NXPE2: variants seen among roughly 807,000 people sequenced by gnomAD.
The protein encoded by NXPE2 is NXPE family member 2.
In NXPE2, 34 loss-of-function variants were observed where a neutral mutation model predicts 34.4. That is an observed-to-expected ratio of 0.99 (90% CI 0.75 to 1.31). The LOEUF (loss-of-function observed/expected upper bound fraction) is 1.31, where lower values mean the gene tolerates loss of function less well. NXPE2 is among the 40% of genes most tolerant of loss of function. The pLI is 0.00. For synonymous variants in NXPE2, 235 were observed against 231.3 expected (o/e 1.02, Z -0.15); for missense variants, 649 against 672.5 (o/e 0.97, Z 0.39).
the NXPE2 span, among the ~76,000 whole-genome samples, chr11:114,601,905 AT>A: frequency 2.5e-5 from 1 of 40,332 alleles, no homozygotes; most frequent in Non-Finnish European, 5.0e-5. Flanking sequence ...ATTTATATAT[AT>A]TATATAATTA....
chr11:114,771,832 C>T, the NXPE2 span, among the ~76,000 whole-genome samples: 2 of 152,240 alleles, frequency 1.3e-5, no homozygotes, highest in African/African-American at 4.8e-5. Context: ...TCACACCATT[C>T]AGTCCCCAAA....
At chr11:114,796,847 G>C in the NXPE2 span, among the ~76,000 whole-genome samples, 1 of 152,248 alleles carries the variant, frequency 6.6e-6, no homozygotes, top group East Asian at 1.9e-4. Flanking sequence ...GGAAGGCTAA[G>C]AGCTGTTGAG....
the NXPE2 span, among the ~76,000 whole-genome samples, chr11:114,806,205 C>G: frequency 6.6e-6 from 1 of 151,658 alleles, no homozygotes; most frequent in Non-Finnish European, 1.5e-5. Flanking sequence ...ACGTCACCAT[C>G]ATCAAAGACC....
the NXPE2 span, among the ~76,000 whole-genome samples, chr11:114,779,681 G>A: frequency 8.9e-4 from 136 of 152,190 alleles, no homozygotes; most frequent in Non-Finnish European, 1.6e-3. Context: ...AGTAAACAGA[G>A]AAAGTGAGAA....
chr11:114,671,570 C>T, the NXPE2 span, among the ~76,000 whole-genome samples: 2 of 151,842 alleles, frequency 1.3e-5, no homozygotes, highest in Admixed American at 1.3e-4. Flanking sequence ...ACCAGGTAAC[C>T]ACAATAAGAC....
At chr11:114,510,238 A>G in the NXPE2 span, among the ~76,000 whole-genome samples, 3 of 152,104 alleles carry the variant, frequency 2.0e-5, no homozygotes, top group Admixed American at 2.0e-4. Context: ...CATTTTATGT[A>G]TTTATTTGAG....
At chr11:114,627,794 A>G in the NXPE2 span, among the ~76,000 whole-genome samples, 4 of 152,012 alleles carry the variant, frequency 2.6e-5, no homozygotes, top group Admixed American at 6.6e-5. Context: ...GCAGAGACAC[A>G]CATGGGCTCA....
chr11:114,582,244 T>C, the NXPE2 span: 1 of 1,523,324 alleles, frequency 6.6e-7, no homozygotes, highest in Non-Finnish European at 8.8e-7. Flanking sequence ...ATAGGCCAAA[T>C]CACAATATTT....
chr11:114,663,678 T>TATC, the NXPE2 span, among the ~76,000 whole-genome samples: 44 of 146,058 alleles, frequency 3.0e-4, no homozygotes, highest in East Asian at 8.1e-4. Context: ...ATCTATCTAT[T>TATC]TATCTATCTA....
chr11:114,605,021 G>A, the NXPE2 span, among the ~76,000 whole-genome samples: 8 of 151,836 alleles, frequency 5.3e-5, 1 homozygote, highest in South Asian at 1.7e-3. Flanking sequence ...GGTAACCACT[G>A]TAACCCAGTG....
the NXPE2 span, chr11:114,582,589 G>A: frequency 1.2e-6 from 2 of 1,614,146 alleles, no homozygotes; most frequent in Non-Finnish European, 1.7e-6. Context: ...AGCAGAGACA[G>A]AGAGACCTGG....
the NXPE2 span, among the ~76,000 whole-genome samples, chr11:114,483,200 T>C: frequency 6.6e-6 from 1 of 152,236 alleles, no homozygotes; most frequent in Non-Finnish European, 1.5e-5. Flanking sequence ...AAATAGCAGC[T>C]GACATATTTG....
chr11:114,494,562 C>A, the NXPE2 span, among the ~76,000 whole-genome samples: 1 of 152,076 alleles, frequency 6.6e-6, no homozygotes, highest in African/African-American at 2.4e-5. Flanking sequence ...TTAATTATTT[C>A]AATCTCTTTG....
At chr11:114,784,869 C>T in the NXPE2 span, among the ~76,000 whole-genome samples, 1 of 152,184 alleles carries the variant, frequency 6.6e-6, no homozygotes, top group African/African-American at 2.4e-5. Flanking sequence ...GCTTTTATTT[C>T]GTGCAACAGA....
At chr11:114,622,645 G>A in the NXPE2 span, among the ~76,000 whole-genome samples, 11 of 152,014 alleles carry the variant, frequency 7.2e-5, no homozygotes, top group South Asian at 2.1e-4. Context: ...GTGTTGCCTC[G>A]TGGGTAACCA....
the NXPE2 span, among the ~76,000 whole-genome samples, chr11:114,804,562 T>A: frequency 2.6e-5 from 4 of 152,224 alleles, no homozygotes; most frequent in African/African-American, 9.6e-5. Context: ...TGGGTGTTAT[T>A]TCTTTTGTTT....
chr11:114,632,722 TA>T, the NXPE2 span, among the ~76,000 whole-genome samples: 6 of 58,598 alleles, frequency 1.0e-4, no homozygotes, highest in African/African-American at 3.2e-4. Context: ...ATAATATATA[TA>T]ATATATAATA....
chr11:114,708,874 AT>A (rs1233398574), downstream of NXPE2, among the ~76,000 whole-genome samples: 5 of 152,166 alleles, frequency 3.3e-5, no homozygotes, highest in Non-Finnish European at 5.9e-5. Flanking sequence ...ACCATCTCAA[AT>A]TCCTTCAACC....
At chr11:114,660,088 C>A in the NXPE2 span, among the ~76,000 whole-genome samples, 1 of 152,148 alleles carries the variant, frequency 6.6e-6, no homozygotes, top group East Asian at 1.9e-4. Flanking sequence ...CCAACATTCA[C>A]TTAAGAAAAA....
Sources: gnomAD v4.1 joint callset for allele counts (sites outside exome capture counted in the v4.1 genomes callset) on GRCh38, gnomAD v4.1.1 for gene constraint, MANE v1.5 for transcripts, NCBI Gene and HGNC (gene_info 2026-07-23, HGNC 2026-07-21) for gene names.